The following SORCS3 variants were observed in gnomAD, a reference collection of about 807,000 sequenced individuals.
SORCS3 encodes the protein VPS10 domain-containing receptor SorCS3.
A neutral mutation model predicts 146.3 loss-of-function variants in SORCS3; 57 were observed. The observed-to-expected ratio is 0.39, with a 90% CI of 0.31 to 0.49. SORCS3 has a LOEUF of 0.49. Among genes scored for constraint, SORCS3 ranks in the 20% least tolerant of loss-of-function variants. SORCS3 has a pLI of 0.92. For synonymous variants in SORCS3, 653 were observed against 618.5 expected (o/e 1.06, Z -0.83); for missense variants, 1,341 against 1,575.5 (o/e 0.85, Z 2.52).
At chr10:105,115,034 T>C (rs2055883910) in intron 7 of SORCS3, among the ~76,000 whole-genome samples, 2 of 152,256 alleles carry the variant, frequency 1.3e-5, no homozygotes, top group African/African-American at 2.4e-5. Context: ...CAGATACTTG[T>C]TGAGCCCTAG....
chr10:104,709,429 C>G (rs889262228), intron 1 of SORCS3, among the ~76,000 whole-genome samples: 2 of 152,150 alleles, frequency 1.3e-5, no homozygotes, highest in African/African-American at 4.8e-5. Context: ...TGTACCATCC[C>G]TTTATAGGCA....
chr10:104,951,035 T>C (rs2019423743), intron 3 of SORCS3, among the ~76,000 whole-genome samples: 1 of 152,238 alleles, frequency 6.6e-6, no homozygotes, highest in South Asian at 2.1e-4. Flanking sequence ...ACAGACCCTT[T>C]TAGACATCTA....
At chr10:104,731,466 C>T (rs2491371) in intron 1 of SORCS3, among the ~76,000 whole-genome samples, 3,390 of 152,186 alleles carry the variant, frequency 0.022, 139 homozygotes, top group African/African-American at 0.077. Flanking sequence ...AAGTCACTGC[C>T]GGGGACACTT....
intron 1 of SORCS3, among the ~76,000 whole-genome samples, chr10:104,755,498 T>G (rs1429853082): frequency 6.6e-6 from 1 of 152,168 alleles, no homozygotes; most frequent in Non-Finnish European, 1.5e-5. Context: ...GGAAATATCA[T>G]AAGAGACAAA....
intron 2 of SORCS3, among the ~76,000 whole-genome samples, chr10:104,912,469 C>G (rs1296472399): frequency 6.6e-6 from 1 of 152,120 alleles, no homozygotes; most frequent in Non-Finnish European, 1.5e-5. Context: ...AATTACAGAC[C>G]CTTCCCTAGG....
intron 1 of SORCS3, among the ~76,000 whole-genome samples, chr10:104,821,528 T>C (rs1383409676): frequency 6.6e-6 from 1 of 152,016 alleles, no homozygotes; most frequent in African/African-American, 2.4e-5. Context: ...AAAAATGGAG[T>C]CTGTTGCTAC....
chr10:104,682,118 G>A lies in SORCS3; in HGVS notation c.627+40164G>A, dbSNP rs531203800. ...TATAGAGGTGGGGAAACTTAGCAAGGCAAGGTGGTAGAAACATTTTGTGAT... is the reference window on the plus strand; with the variant it reads ...TATAGAGGTGGGGAAACTTAGCAAGACAAGGTGGTAGAAACATTTTGTGAT... On this transcript the variant is annotated intron_variant, in intron 1 of 26. Transcript: ENST00000369701. Among the ~76,000 whole-genome samples, 17 of 152,300 alleles carry A rather than the reference G, an allele frequency of 1.1e-4. No homozygotes were observed. In the East Asian group the frequency reaches 1.5e-3, roughly 14 times the overall value.
rs193049819 is a variant in SORCS3, at chr10:105,218,140, A to T, written c.2734+1018A>T. Among the ~76,000 whole-genome samples the T allele has an allele frequency of 4.8e-3, 730 of 152,274 alleles. 2 individuals carry two copies. Among genetic ancestry groups the T allele is most frequent in the Non-Finnish European group, 7.3e-3 (500 of 68,030 alleles). On this transcript the variant is annotated intron_variant, in intron 19 of 26. Coordinates refer to ENST00000369701, the MANE Select transcript of SORCS3 (RefSeq NM_014978.3). The stretch of plus-strand genomic sequence containing the variant: ...GCTAGTCTCCTGGCTCTCCAGTCAC[A>T]ATGCCGGTAAAGGGACCAAAAGTGG...
intron 1 of SORCS3, among the ~76,000 whole-genome samples, chr10:104,740,263 C>T (rs901681921): frequency 6.6e-6 from 1 of 152,166 alleles, no homozygotes; most frequent in Non-Finnish European, 1.5e-5. Context: ...CCCCCTTTCT[C>T]CTCACTCATG....
At chr10:105,232,660 C>T (rs2056772120) in intron 20 of SORCS3, among the ~76,000 whole-genome samples, 1 of 151,076 alleles carries the variant, frequency 6.6e-6, no homozygotes, top group South Asian at 2.1e-4. Context: ...TATATACACT[C>T]AATGCTATAA....
intron 19 of SORCS3, among the ~76,000 whole-genome samples, chr10:105,219,004 G>A (rs2119660354): frequency 6.6e-6 from 1 of 151,906 alleles, no homozygotes; most frequent in South Asian, 2.1e-4. Flanking sequence ...GACAGAGCGA[G>A]ACCCCGTCTC....
At chr10:105,091,931 C>T (rs1258039088) in intron 6 of SORCS3, among the ~76,000 whole-genome samples, 1 of 152,062 alleles carries the variant, frequency 6.6e-6, no homozygotes, top group Non-Finnish European at 1.5e-5. Flanking sequence ...CTGTTTAGGC[C>T]ATATTTGTGA....
intron 1 of SORCS3, among the ~76,000 whole-genome samples, chr10:104,676,550 T>C (rs1163506467): frequency 1.3e-5 from 2 of 152,218 alleles, no homozygotes; most frequent in Non-Finnish European, 2.9e-5. Context: ...GGGTGCCTCC[T>C]ATGTTCCAGG....
chr10:104,883,974 A>ATG (rs545987632), intron 2 of SORCS3, among the ~76,000 whole-genome samples: 2,216 of 100,506 alleles, frequency 0.022, 54 homozygotes, highest in African/African-American at 0.12. Context: ...CTGCTGTGGA[A>ATG]TGAGGGGGGG....
chr10:104,930,111 T>G (rs1284911013), intron 3 of SORCS3, among the ~76,000 whole-genome samples: 1 of 152,114 alleles, frequency 6.6e-6, no homozygotes, highest in African/African-American at 2.4e-5. Context: ...GAATGGGACA[T>G]TTAACAGAGT....
chr10:105,185,834 T>C (rs140530368), intron 14 of SORCS3, among the ~76,000 whole-genome samples: 3 of 152,328 alleles, frequency 2.0e-5, no homozygotes, highest in South Asian at 4.1e-4. Context: ...TCAGCACTTA[T>C]GTATTCATAG....
chr10:104,920,880 C>T (rs772149453), intron 3 of SORCS3, among the ~76,000 whole-genome samples: 7 of 152,214 alleles, frequency 4.6e-5, no homozygotes, highest in Admixed American at 2.0e-4. Flanking sequence ...CCTTGACCCA[C>T]TCTGACTATT....
Position 104,780,161 on chromosome 10 carries a change from G to A in SORCS3, c.628-62631G>A, listed in dbSNP as rs530742244. Among the ~76,000 whole-genome samples, 108 of 151,052 alleles carry A rather than the reference G, an allele frequency of 7.1e-4. 5 individuals carry two copies. The South Asian group carries it at 0.022, about 31-fold the overall frequency. ...AGTTTTTTTTTTTTTAAGCCACAAC[G>A]GAGCAATTTGATGGCAGAGTATTTT... On this transcript the variant is annotated intron_variant, in intron 1 of 26. Coordinates refer to ENST00000369701, the MANE Select transcript of SORCS3 (RefSeq NM_014978.3).
chr10:104,928,353 T>A (rs189528858), intron 3 of SORCS3, among the ~76,000 whole-genome samples: 1 of 152,248 alleles, frequency 6.6e-6, no homozygotes, highest in East Asian at 1.9e-4. Context: ...ACCTTCTGGG[T>A]GTGTTTTCTG....
Sources: gnomAD v4.1 joint callset for allele counts (sites outside exome capture counted in the v4.1 genomes callset) on GRCh38, gnomAD v4.1.1 for gene constraint, MANE v1.5 for transcripts, NCBI Gene and HGNC (gene_info 2026-07-23, HGNC 2026-07-21) for gene names.